The following GPRC6A variants were observed in gnomAD, a reference collection of about 807,000 sequenced individuals.
The protein encoded by GPRC6A is G protein-coupled receptor class C group 6 member A.
In GPRC6A, 54 loss-of-function variants were observed where a neutral mutation model predicts 47.0. The observed-to-expected ratio is 1.15, with a 90% CI of 0.92 to 1.44. GPRC6A has a LOEUF of 1.44. Ranked by LOEUF, GPRC6A falls within the 40% of genes most tolerant of loss-of-function variation. The probability of loss-of-function intolerance (pLI) is 0.00; values close to 1 mark genes in which losing one functional copy is unlikely to be tolerated. For synonymous variants in GPRC6A, 347 were observed against 377.1 expected, an observed-to-expected ratio of 0.92 and a Z score of 0.93; for missense variants, 1,112 against 1,105.5, an observed-to-expected ratio of 1.01 and a Z score of -0.08.
intron 1 of GPRC6A, among the ~76,000 whole-genome samples, chr6:116,816,888 GC>G (rs958766332): frequency 3.3e-5 from 5 of 152,044 alleles, no homozygotes; most frequent in Non-Finnish European, 7.4e-5. Context: ...AGGGTCCTAC[GC>G]CCACGGAATC....
chr6:116,817,262 C>G (rs1369239648), intron 1 of GPRC6A, among the ~76,000 whole-genome samples: 1 of 152,170 alleles, frequency 6.6e-6, no homozygotes, highest in Non-Finnish European at 1.5e-5. Context: ...GGGAGGCACC[C>G]CCCAGCAGGG....
chr6:116,800,602 A>AT lies in GPRC6A; in HGVS notation c.1529dup (p.Asn510LysfsTer2). ...AGGTTACCTTAAGATTCCTGAACTC[A>AT]TTTTTTGTTTCCTGATCTGGGATGA... On this transcript the variant is annotated frameshift_variant, in exon 4 of 6. Transcript: ENST00000310357. LOFTEE classifies it high-confidence loss of function. 1.2e-6 allele frequency: 2 copies of AT among 1,612,958 alleles called. No homozygotes were observed. The highest frequency in any genetic ancestry group is 1.7e-6 in the Non-Finnish European group (2 of 1,179,188).
intron 1 of GPRC6A, among the ~76,000 whole-genome samples, chr6:116,825,869 G>A (rs537590717): frequency 6.6e-6 from 1 of 151,960 alleles, no homozygotes; most frequent in Admixed American, 6.6e-5. Flanking sequence ...ATGGGAAACA[G>A]AATAGACAAC....
chr6:116,798,726 T>C (rs945131543), intron 4 of GPRC6A, among the ~76,000 whole-genome samples: 10 of 151,594 alleles, frequency 6.6e-5, no homozygotes, highest in Non-Finnish European at 1.5e-4. Context: ...CTACTAAAAA[T>C]ACAAAAATTA....
chr6:116,793,295 A>G (rs780019431), intron 5 of GPRC6A, 45 bp from the exon 6 acceptor site: 8 of 1,372,338 alleles, frequency 5.8e-6, no homozygotes, highest in Non-Finnish European at 7.9e-6. Flanking sequence ...CATTTAAACT[A>G]GGTGATAGTC....
intron 1 of GPRC6A, among the ~76,000 whole-genome samples, chr6:116,819,932 A>G (rs1773397267): frequency 6.7e-6 from 1 of 150,068 alleles, no homozygotes; most frequent in Non-Finnish European, 1.5e-5. Context: ...TGGTTTTTTG[A>G]AAGGATCAAC....
chr6:116,804,987 C>G (rs537012362), intron 3 of GPRC6A, among the ~76,000 whole-genome samples: 1 of 152,010 alleles, frequency 6.6e-6, no homozygotes, highest in East Asian at 1.9e-4. Flanking sequence ...CTGCAGTGCA[C>G]CAGGCCAAAA....
rs371543873 is a variant in GPRC6A at position 116,809,270 on chromosome 6, C to G, written c.498+44G>C. On this transcript the variant is annotated intron_variant, in intron 2 of 5. Transcript: ENST00000310357. ...GGTTTCCCTGATCCTTTCATAATAA[C>G]AAATGTGATCAAAAGCAATGTTTGG... The G allele has an allele frequency of 3.3e-6, 5 of 1,503,370 alleles. No homozygotes were observed. In the African/African-American group the frequency reaches 6.9e-5, roughly 21 times the overall value. The allele number at this position is 1,503,370 out of a possible 1,614,324, so 93.1% of individuals were successfully genotyped here. A position where few individuals can be genotyped will look rare whatever the true frequency, so the allele number is the denominator to read the frequency against.
At position 116,798,612 on chromosome 6, in the gene GPRC6A, C is replaced by A. The variant is rs1275952867; in HGVS notation, c.1548+1972G>T. ...GAAAACAGACTGAAGGGGGCTGGCG[C>A]GGTGGGTTATGCCTCTAATTCCAGC... On this transcript the variant is annotated intron_variant, in intron 4 of 5. Transcript: ENST00000310357. Among the ~76,000 whole-genome samples the A allele has an allele frequency of 2.6e-5, 4 of 152,046 alleles. No homozygotes were observed. The East Asian group carries it at 7.7e-4, about 29-fold the overall frequency.
Position 116,809,357 on chromosome 6 carries a change from G to A in GPRC6A, c.455C>T (p.Thr152Ile). The A allele has an allele frequency of 1.2e-6, 2 of 1,613,662 alleles. No individual in the cohort carries two copies. Among genetic ancestry groups the A allele is most frequent in the East Asian group, 2.2e-5 (1 of 44,872 alleles). Residue 152 changes from threonine (T) to isoleucine (I), a missense_variant, in exon 2 of 6, where the codon ACT becomes ATT. Physicochemically the swap from Thr to Ile is moderately conservative, Grantham distance 89. Coordinates refer to ENST00000310357, the MANE Select transcript of GPRC6A (RefSeq NM_148963.4). ...ATTCAACATCCTGGAGACAGCCATA[G>A]TTATTTCTGAGTACCCAGAACCTAT... The part of the protein sequence containing the change: ...AVIGSGYSEI[T>I]MAVSRMLNLQ...
At chr6:116,800,946 T>A in intron 3 of GPRC6A, 150 bp from the exon 4 acceptor site, 3 of 615,402 alleles carry the variant, frequency 4.9e-6, no homozygotes, top group Non-Finnish European at 5.7e-6. Flanking sequence ...CTTAACTATC[T>A]GGCAACAATT....
At chr6:116,800,845 T>C (rs1772653101) in intron 3 of GPRC6A, 49 bp from the exon 4 acceptor site, 3 of 1,123,182 alleles carry the variant, frequency 2.7e-6, no homozygotes. Context: ...ATGTTGCAAA[T>C]GTATCCATTA....
intron 1 of GPRC6A, among the ~76,000 whole-genome samples, chr6:116,820,045 G>C (rs914185570): frequency 6.8e-6 from 1 of 146,254 alleles, no homozygotes; most frequent in Non-Finnish European, 1.5e-5. Flanking sequence ...CGATCCCACA[G>C]AAATACAAAC....
chr6:116,805,697 G>A (rs926174494), intron 3 of GPRC6A, among the ~76,000 whole-genome samples: 1 of 151,958 alleles, frequency 6.6e-6, no homozygotes, highest in African/African-American at 2.4e-5. Context: ...AGAAGAAAGG[G>A]AAAAAGCTCT....
At position 116,828,103 on chromosome 6, in the gene GPRC6A, G is replaced by A. The variant is rs904313889; in HGVS notation, c.194+717C>T. Among the ~76,000 whole-genome samples, 4 of 152,030 alleles carry A rather than the reference G, an allele frequency of 2.6e-5. 1 individual carries two copies. The South Asian group carries it at 8.3e-4, about 32-fold the overall frequency. ...GAAAATATACACAACAGTGAAATTG[G>A]AACTCAGAGTTTAAGTGATCTACCT... On this transcript the variant is annotated intron_variant, in intron 1 of 5. Coordinates refer to ENST00000310357, the MANE Select transcript of GPRC6A (RefSeq NM_148963.4).
chr6:116,807,531 C>T (rs775203230), intron 2 of GPRC6A, among the ~76,000 whole-genome samples: 36 of 152,222 alleles, frequency 2.4e-4, no homozygotes, highest in Non-Finnish European at 4.4e-4. Flanking sequence ...GAGGTAAATG[C>T]GGTCCATCAT....
At chr6:116,800,557 C>G (rs1772638440) in intron 4 of GPRC6A, 27 bp downstream of exon 4, 2 of 1,497,172 alleles carry the variant, frequency 1.3e-6, no homozygotes, top group Non-Finnish European at 1.9e-6. Flanking sequence ...GCTTTGAGTG[C>G]TACAAAACGG....
intron 1 of GPRC6A, among the ~76,000 whole-genome samples, chr6:116,819,110 A>G (rs1284770773): frequency 3.9e-5 from 6 of 152,310 alleles, no homozygotes; most frequent in South Asian, 2.1e-4. Context: ...AGAGACAAAG[A>G]AGGCCATTAC....
At chr6:116,801,475 T>C (rs369869072) in intron 3 of GPRC6A, among the ~76,000 whole-genome samples, 133 of 152,220 alleles carry the variant, frequency 8.7e-4, no homozygotes, top group African/African-American at 3.0e-3. Context: ...ACTTAATATA[T>C]AAGTATGTCA....
Sources: gnomAD v4.1 joint callset for allele counts (sites outside exome capture counted in the v4.1 genomes callset) on GRCh38, gnomAD v4.1.1 for gene constraint, MANE v1.5 for transcripts, NCBI Gene and HGNC (gene_info 2026-07-23, HGNC 2026-07-21) for gene names.